NRXN3: variants seen among roughly 807,000 people sequenced by gnomAD.
The protein encoded by NRXN3 is neurexin III.
A neutral mutation model predicts 137.6 loss-of-function variants in NRXN3; 32 were observed. The ratio of observed to expected loss-of-function variants is 0.23; its 90% CI spans 0.18 to 0.31. NRXN3 has a LOEUF of 0.31. Among genes scored for constraint, NRXN3 ranks in the 10% least tolerant of loss-of-function variants. The pLI, the probability that NRXN3 is intolerant of heterozygous loss-of-function variation, is 1.00. For synonymous variants in NRXN3, 798 were observed against 784.5 expected (o/e 1.02, Z -0.29); for missense variants, 1,574 against 2,062.5 (o/e 0.76, Z 4.59).
intron 15 of NRXN3, among the ~76,000 whole-genome samples, chr14:79,196,646 G>GATAGAT (rs2065171845): frequency 6.6e-6 from 1 of 151,956 alleles, no homozygotes; most frequent in South Asian, 2.1e-4. Flanking sequence ...GATATAGATA[G>GATAGAT]ATAGATATAG....
Position 78,551,960 on chromosome 14 carries a change from C to G in NRXN3, c.758-93160C>G, listed in dbSNP as rs149420341. 4.6e-3 allele frequency among the ~76,000 whole-genome samples: 700 copies of G among 152,242 alleles called. 14 individuals carry two copies. The highest frequency in any genetic ancestry group is 0.01 in the Middle Eastern group (3 of 294). ...AGAGATCAAGTAGCCCAGTGATCCCCAGACTTTGCTTGTTGGTCGCGATAC... is the reference window on the plus strand; with the variant it reads ...AGAGATCAAGTAGCCCAGTGATCCCGAGACTTTGCTTGTTGGTCGCGATAC... On this transcript the variant is annotated intron_variant, in intron 4 of 20. Transcript: ENST00000335750.
intron 3 of NRXN3, among the ~76,000 whole-genome samples, chr14:78,289,770 T>C (rs1345696514): frequency 6.6e-6 from 1 of 151,854 alleles, no homozygotes; most frequent in African/African-American, 2.4e-5. Flanking sequence ...AGAAATTAGC[T>C]GGGCGTGGTG....
chr14:78,294,904 TC>T (rs1842367927), intron 3 of NRXN3, among the ~76,000 whole-genome samples: 1 of 152,190 alleles, frequency 6.6e-6, no homozygotes, highest in Admixed American at 6.5e-5. Context: ...CTTACTTGTA[TC>T]CCCACTACCT....
At chr14:78,880,419 G>GT (rs2099125799) in intron 10 of NRXN3, among the ~76,000 whole-genome samples, 2 of 152,116 alleles carry the variant, frequency 1.3e-5, no homozygotes. Context: ...AGATGTGGCT[G>GT]TAACTGGGAG....
intron 2 of NRXN3, among the ~76,000 whole-genome samples, chr14:78,254,034 G>A (rs573812346): frequency 1.8e-4 from 28 of 152,288 alleles, no homozygotes; most frequent in African/African-American, 5.1e-4. Flanking sequence ...ATGATGCTTC[G>A]CAGGAATTAA....
chr14:79,240,751 TA>T (rs1483391211), intron 15 of NRXN3, among the ~76,000 whole-genome samples: 1 of 152,100 alleles, frequency 6.6e-6, no homozygotes, highest in African/African-American at 2.4e-5. Context: ...CCACCGCAGA[TA>T]AAACACAGAG....
intron 10 of NRXN3, among the ~76,000 whole-genome samples, chr14:78,837,141 C>A (rs2098999372): frequency 6.6e-6 from 1 of 152,162 alleles, no homozygotes; most frequent in African/African-American, 2.4e-5. Flanking sequence ...GAATGCACCT[C>A]TATCGAGCCC....
intron 1 of NRXN3, among the ~76,000 whole-genome samples, chr14:78,222,187 T>A (rs2063921213): frequency 6.6e-6 from 1 of 151,662 alleles, no homozygotes; most frequent in African/African-American, 2.4e-5. Context: ...TTGTGAGGAG[T>A]CAAATATGAA....
At chr14:78,821,941 G>A (rs1393185093) in intron 10 of NRXN3, among the ~76,000 whole-genome samples, 5 of 152,186 alleles carry the variant, frequency 3.3e-5, no homozygotes, top group African/African-American at 4.8e-5. Context: ...TGGTAACACC[G>A]CGATGACTAG....
chr14:78,414,245 G>A (rs2093005681), intron 4 of NRXN3, among the ~76,000 whole-genome samples: 1 of 152,042 alleles, frequency 6.6e-6, no homozygotes, highest in Admixed American at 6.6e-5. Context: ...TTGAGAGGAG[G>A]TAGCGAAGTG....
intron 8 of NRXN3, among the ~76,000 whole-genome samples, chr14:78,771,325 T>A (rs1412568013): frequency 2.0e-5 from 3 of 152,194 alleles, no homozygotes; most frequent in African/African-American, 7.2e-5. Flanking sequence ...TCTAGGTGGT[T>A]CCCCAGTGGG....
intron 7 of NRXN3, among the ~76,000 whole-genome samples, chr14:78,713,128 G>T (rs7149617): frequency 0.063 from 9,657 of 152,186 alleles, 479 homozygotes; most frequent in African/African-American, 0.14. Context: ...CCATAAAGTG[G>T]TTCAGGGATT....
intron 4 of NRXN3, among the ~76,000 whole-genome samples, chr14:78,568,467 T>G: frequency 6.6e-6 from 1 of 152,184 alleles, no homozygotes; most frequent in Non-Finnish European, 1.5e-5. Context: ...GTTTATGGCA[T>G]TTTGTTGTAG....
chr14:79,159,129 A>T (rs2060522346), intron 15 of NRXN3, among the ~76,000 whole-genome samples: 1 of 151,866 alleles, frequency 6.6e-6, no homozygotes, highest in Admixed American at 6.6e-5. Flanking sequence ...AAAGTCAATG[A>T]GCAAAATGTC....
chr14:79,627,699 G>A (rs2153925008), intron 16 of NRXN3, among the ~76,000 whole-genome samples: 1 of 152,258 alleles, frequency 6.6e-6, no homozygotes, highest in African/African-American at 2.4e-5. Flanking sequence ...ACTGGGTATG[G>A]TTATTAACCC....
At chr14:78,187,790 T>G (rs1294448333) in intron 1 of NRXN3, among the ~76,000 whole-genome samples, 1 of 151,422 alleles carries the variant, frequency 6.6e-6, no homozygotes, top group African/African-American at 2.4e-5. Context: ...TGTTTTTTTT[T>G]TTTTTTTTGA....
intron 20 of NRXN3, among the ~76,000 whole-genome samples, chr14:79,815,679 A>C (rs543047850): frequency 6.6e-6 from 1 of 152,328 alleles, no homozygotes; most frequent in African/African-American, 2.4e-5. Context: ...ACCAGCACAC[A>C]CACAGAGCTC....
At chr14:79,496,664 T>G (rs1430981563) in intron 16 of NRXN3, among the ~76,000 whole-genome samples, 1 of 152,224 alleles carries the variant, frequency 6.6e-6, no homozygotes, top group African/African-American at 2.4e-5. Context: ...TTCCTTAATC[T>G]AAATGTTGAT....
At chr14:78,425,540 C>T (rs773112249) in intron 4 of NRXN3, among the ~76,000 whole-genome samples, 29 of 152,154 alleles carry the variant, frequency 1.9e-4, no homozygotes, top group Non-Finnish European at 3.7e-4. Context: ...AAAGCTGGCT[C>T]ACAGGCCAGC....
Sources: allele counts gnomAD v4.1 joint callset (sites outside exome capture counted in the v4.1 genomes callset), GRCh38; gene constraint gnomAD v4.1.1; transcripts MANE v1.5; gene names NCBI Gene and HGNC (gene_info 2026-07-23, HGNC 2026-07-21).